Variants in STIM2 observed in about 807,000 individuals in gnomAD.
STIM2 encodes stromal interaction molecule 2.
Under a neutral mutation model 85.8 loss-of-function variants are expected in STIM2, and 31 were observed. The ratio of observed to expected loss-of-function variants is 0.36; its 90% confidence interval spans 0.27 to 0.49. STIM2 has a LOEUF of 0.49. Ranked by LOEUF, STIM2 falls within the 20% of genes least tolerant of loss-of-function variation. The pLI is 0.98. For missense variants in STIM2, 841 were observed against 927.6 expected (o/e 0.91, Z 1.21); for synonymous variants, 356 against 331.1 (o/e 1.08, Z -0.82).
At chr4:27,008,713 A>G (rs1560238692) in intron 9 of STIM2, 51 bp from the exon 10 acceptor site, 5 of 1,564,136 alleles carry the variant, frequency 3.2e-6, no homozygotes, top group South Asian at 1.1e-5. Flanking sequence ...TTTCAGTGCC[A>G]TATTAAAGAC....
intron 3 of STIM2, among the ~76,000 whole-genome samples, chr4:26,976,845 G>A (rs1427946013): frequency 6.6e-6 from 1 of 152,080 alleles, no homozygotes; most frequent in Non-Finnish European, 1.5e-5. Flanking sequence ...GACAGGACAG[G>A]CATTATTCTA....
chr4:27,011,507 G>A (rs757562457), intron 10 of STIM2, among the ~76,000 whole-genome samples: 16 of 152,052 alleles, frequency 1.1e-4, no homozygotes, highest in Admixed American at 2.0e-4. Context: ...CGGACTGCTG[G>A]GTCATTGGGA....
At chr4:26,956,978 G>C (rs1726269964) in intron 2 of STIM2, among the ~76,000 whole-genome samples, 1 of 152,094 alleles carries the variant, frequency 6.6e-6, no homozygotes, top group African/African-American at 2.4e-5. Flanking sequence ...GACTTTCTCT[G>C]TATGGACAGA....
At chr4:26,993,067 A>C (rs983159458) in intron 3 of STIM2, among the ~76,000 whole-genome samples, 1 of 152,160 alleles carries the variant, frequency 6.6e-6, no homozygotes, top group Non-Finnish European at 1.5e-5. Context: ...ACTGTTGAAC[A>C]GTCATAGAGA....
In STIM2 at chr4:26,985,360, TAA is replaced by T. The variant is rs367749193; in HGVS notation, c.398-10017_398-10016del. Among the ~76,000 whole-genome samples the T allele has an allele frequency of 4.2e-3, 643 of 152,254 alleles. 3 individuals are homozygous for T. Among genetic ancestry groups the T allele is most frequent in the Non-Finnish European group, 6.9e-3 (472 of 68,020 alleles). On this transcript the variant is annotated intron_variant, in intron 3 of 11. Coordinates refer to ENST00000467087, the MANE Select transcript of STIM2 (RefSeq NM_020860.4). Reference sequence around the variant, plus strand: ...CTGTGATAAATTATGTGTATCAGTGTAAAGAGAAACTGAGATTTTTTGTAACT... The same window carrying T: ...CTGTGATAAATTATGTGTATCAGTGTAGAGAAACTGAGATTTTTTGTAACT...
chr4:26,928,532 A>G (rs1725075082), intron 2 of STIM2, among the ~76,000 whole-genome samples: 1 of 152,056 alleles, frequency 6.6e-6, no homozygotes, highest in South Asian at 2.1e-4. Flanking sequence ...TACTTTTTTA[A>G]TTTTTAATTT....
intron 10 of STIM2, among the ~76,000 whole-genome samples, chr4:27,016,424 C>G (rs1436585462): frequency 6.6e-6 from 1 of 152,054 alleles, no homozygotes; most frequent in Non-Finnish European, 1.5e-5. Flanking sequence ...GTAAAGTGCC[C>G]CTCAAAATGC....
intron 1 of STIM2, among the ~76,000 whole-genome samples, chr4:26,909,045 C>T (rs1018934475): frequency 3.9e-5 from 6 of 152,192 alleles, no homozygotes; most frequent in African/African-American, 1.4e-4. Flanking sequence ...CGCCACTGTG[C>T]TTCAGCCTTG....
chr4:26,978,779 C>G (rs1458248209), intron 3 of STIM2, among the ~76,000 whole-genome samples: 1 of 152,152 alleles, frequency 6.6e-6, no homozygotes, highest in Admixed American at 6.5e-5. Context: ...AGTAACCTAG[C>G]AGCCAGCCAG....
chr4:27,021,536 TGTACACGGCCTG>T, intron 11 of STIM2: 1 of 456,748 alleles, frequency 2.2e-6, no homozygotes, highest in South Asian at 1.5e-5. Flanking sequence ...AGGGACCACA[TGTACACGGCCTG>T]GTACGCTTTG....
intron 11 of STIM2, chr4:27,020,956 C>G (rs1200604343): frequency 4.0e-6 from 6 of 1,517,076 alleles, no homozygotes; most frequent in Non-Finnish European, 4.4e-6. Context: ...TTTACCTTGA[C>G]TCTCCCTTTC....
chr4:27,000,539 A>G (rs970199617), intron 5 of STIM2, among the ~76,000 whole-genome samples: 4 of 152,302 alleles, frequency 2.6e-5, no homozygotes, highest in East Asian at 1.9e-4. Context: ...ATTTGTTTCT[A>G]TTTACAACTT....
At chr4:26,998,295 C>T (rs186202760) in intron 4 of STIM2, among the ~76,000 whole-genome samples, 1 of 152,192 alleles carries the variant, frequency 6.6e-6, no homozygotes, top group Non-Finnish European at 1.5e-5. Context: ...TTACCTGTGC[C>T]TCCTACGTGC....
intron 2 of STIM2, among the ~76,000 whole-genome samples, chr4:26,940,937 C>G (rs1264993268): frequency 1.3e-5 from 2 of 152,114 alleles, no homozygotes; most frequent in Non-Finnish European, 1.5e-5. Context: ...CTAATAGATT[C>G]CCAGGCAGTG....
chr4:27,011,816 C>G (rs1728568015), intron 10 of STIM2, among the ~76,000 whole-genome samples: 1 of 151,942 alleles, frequency 6.6e-6, no homozygotes, highest in Non-Finnish European at 1.5e-5. Context: ...TGGAAGTGTT[C>G]TTTCTATTTT....
At chr4:26,946,475 T>A (rs1282222062) in intron 2 of STIM2, among the ~76,000 whole-genome samples, 4 of 152,224 alleles carry the variant, frequency 2.6e-5, no homozygotes, top group Non-Finnish European at 4.4e-5. Flanking sequence ...AAGTCATAGC[T>A]TTGACTCTTA....
At chr4:26,862,226 T>C (rs1423871651) in intron 1 of STIM2, among the ~76,000 whole-genome samples, 3 of 152,130 alleles carry the variant, frequency 2.0e-5, no homozygotes, top group East Asian at 1.9e-4. Context: ...TCCGGTGTTA[T>C]GTACAACTGA....
At chr4:26,933,565 A>T (rs1446976861) in intron 2 of STIM2, among the ~76,000 whole-genome samples, 1 of 151,988 alleles carries the variant, frequency 6.6e-6, no homozygotes, top group East Asian at 1.9e-4. Flanking sequence ...CTGTTTTTAT[A>T]TTATCATCCT....
intron 1 of STIM2, among the ~76,000 whole-genome samples, chr4:26,897,051 T>G (rs1180431762): frequency 6.6e-6 from 1 of 152,196 alleles, no homozygotes; most frequent in Non-Finnish European, 1.5e-5. Context: ...TATTGATGAG[T>G]AAATATTTCA....
Sources: allele counts gnomAD v4.1 joint callset (sites outside exome capture counted in the v4.1 genomes callset), GRCh38; gene constraint gnomAD v4.1.1; transcripts MANE v1.5; gene names NCBI Gene and HGNC (gene_info 2026-07-23, HGNC 2026-07-21).